Variants in PDSS2 observed in about 807,000 individuals in gnomAD.
PDSS2 encodes decaprenyl diphosphate synthase subunit 2.
In PDSS2, 31 loss-of-function variants were observed where a neutral mutation model predicts 44.5. The ratio of observed to expected loss-of-function variants is 0.70; its 90% CI spans 0.52 to 0.94. The LOEUF (loss-of-function observed/expected upper bound fraction) is 0.94. Among genes scored for constraint, PDSS2 ranks in the 40% least tolerant of loss-of-function variants. The pLI, the probability that PDSS2 is intolerant of heterozygous loss-of-function variation, is 0.00. For synonymous variants in PDSS2, 157 were observed against 180.3 expected (o/e 0.87, Z 1.03); for missense variants, 452 against 482.2 (o/e 0.94, Z 0.59).
chr6:107,387,285 C>A (rs921814875), intron 1 of PDSS2, among the ~76,000 whole-genome samples: 1 of 152,186 alleles, frequency 6.6e-6, no homozygotes, highest in Non-Finnish European at 1.5e-5. Context: ...CTCTGACCTG[C>A]CAGTAGAATC....
intron 1 of PDSS2, among the ~76,000 whole-genome samples, chr6:107,405,966 TG>T (rs1426288129): frequency 6.6e-6 from 1 of 152,016 alleles, no homozygotes; most frequent in Non-Finnish European, 1.5e-5. Flanking sequence ...ACTTTACAGG[TG>T]ATGGTTATAC....
At chr6:107,338,427 A>G (rs17068157) in intron 1 of PDSS2, among the ~76,000 whole-genome samples, 8,216 of 152,274 alleles carry the variant, frequency 0.054, 442 homozygotes, top group African/African-American at 0.14. Flanking sequence ...CTGAATGCTC[A>G]CTGCATGCCA....
intron 1 of PDSS2, among the ~76,000 whole-genome samples, chr6:107,378,268 A>C (rs1270518942): frequency 6.6e-6 from 1 of 150,506 alleles, no homozygotes; most frequent in Non-Finnish European, 1.5e-5. Context: ...ATCTTTCAGC[A>C]GGTATAATAA....
rs1177201798 is a variant in PDSS2, at chr6:107,384,666, AC to A, written c.297-50335del. On this transcript the variant is annotated intron_variant, in intron 1 of 7. Transcript: ENST00000369037. ...CAAAACCAAAAAAAAACACAAAAAA[AC>A]AAAAAAAACCCACTAAACTGTATAC... 3.3e-5 allele frequency among the ~76,000 whole-genome samples: 5 copies of A among 151,546 alleles called. No individual in the cohort carries two copies. In the East Asian group the frequency reaches 9.7e-4, roughly 29 times the overall value.
At chr6:107,390,184 A>G (rs145179706) in intron 1 of PDSS2, among the ~76,000 whole-genome samples, 4 of 152,230 alleles carry the variant, frequency 2.6e-5, no homozygotes, top group African/African-American at 9.6e-5. Context: ...AGATTTAGTG[A>G]CTCACTTCCA....
chr6:107,422,759 A>C (rs900198924), intron 1 of PDSS2, among the ~76,000 whole-genome samples: 2 of 152,078 alleles, frequency 1.3e-5, no homozygotes, highest in Admixed American at 6.5e-5. Flanking sequence ...AAATATTAAC[A>C]CTAGGTATCT....
intron 3 of PDSS2, among the ~76,000 whole-genome samples, chr6:107,246,123 C>T (rs1253929603): frequency 6.6e-6 from 1 of 151,980 alleles, no homozygotes; most frequent in African/African-American, 2.4e-5. Flanking sequence ...CTGTGGGGTC[C>T]CTGGGTCAAA....
At chr6:107,363,580 A>T (rs1458610619) in intron 1 of PDSS2, among the ~76,000 whole-genome samples, 3 of 152,232 alleles carry the variant, frequency 2.0e-5, no homozygotes. Context: ...TCATAAAAGC[A>T]GCGTGGACCC....
intron 7 of PDSS2, among the ~76,000 whole-genome samples, chr6:107,177,542 A>G (rs1771837642): frequency 1.3e-5 from 2 of 152,224 alleles, no homozygotes; most frequent in Non-Finnish European, 2.9e-5. Context: ...CAGGAAAAGC[A>G]ATCACTGCCT....
intron 4 of PDSS2, among the ~76,000 whole-genome samples, chr6:107,239,915 T>C (rs1422603503): frequency 6.6e-6 from 1 of 152,142 alleles, no homozygotes; most frequent in Non-Finnish European, 1.5e-5. Context: ...GTGTTGGGAT[T>C]ACAGGCGTGA....
At chr6:107,227,237 C>T (rs1773859331) in intron 4 of PDSS2, among the ~76,000 whole-genome samples, 1 of 146,252 alleles carries the variant, frequency 6.8e-6, no homozygotes, top group Non-Finnish European at 1.5e-5. Flanking sequence ...CCGGCCCTGG[C>T]CTCCCAAAGT....
Position 107,448,127 on chromosome 6 carries a change from A to T in PDSS2, c.296+10863T>A, listed in dbSNP as rs118121207. The stretch of plus-strand genomic sequence containing the variant: ...TGGCCCAGGAAACCATTTTTCTCTC[A>T]TAGGCCTCTAGGTCTATGATGGGAG... On this transcript the variant is annotated intron_variant, in intron 1 of 7. Transcript: ENST00000369037. Among the ~76,000 whole-genome samples, 1,200 of 152,238 alleles carry T rather than the reference A, an allele frequency of 7.9e-3. 50 individuals are homozygous for T. In the East Asian group the frequency reaches 0.12, roughly 15 times the overall value.
chr6:107,189,738 G>T (rs1347234297), intron 7 of PDSS2, among the ~76,000 whole-genome samples: 2 of 152,120 alleles, frequency 1.3e-5, no homozygotes, highest in Non-Finnish European at 2.9e-5. Flanking sequence ...TGGTCCAGGG[G>T]TGCTCTTATT....
chr6:107,169,193 T>C (rs1455944249), intron 7 of PDSS2, among the ~76,000 whole-genome samples: 1 of 152,154 alleles, frequency 6.6e-6, no homozygotes, highest in East Asian at 1.9e-4. Flanking sequence ...CTCTTTTTTC[T>C]CTAAACTTCT....
Position 107,274,029 on chromosome 6 carries a change from C to A in PDSS2, c.630G>T (p.Lys210Asn). The A allele has an allele frequency of 6.2e-7, 1 of 1,613,516 alleles. No individual in the cohort carries two copies. The highest frequency in any genetic ancestry group is 1.1e-5 in the South Asian group (1 of 91,072). ...CNGLALLQNT[K>N]VVELLASALM... ...ACAACAAAACCCTGCCCAATTTTAC[C>A]TTGGTGTTCTGTAGCAGAGCTAGTC... Residue 210 changes from lysine to asparagine, a missense_variant and splice_region_variant, in exon 3 of 8, where the codon AAG becomes AAT. Transcript: ENST00000369037.
intron 1 of PDSS2, among the ~76,000 whole-genome samples, chr6:107,421,230 C>T (rs1361019182): frequency 6.6e-6 from 1 of 152,148 alleles, no homozygotes; most frequent in South Asian, 2.1e-4. Flanking sequence ...ATTTCTCATA[C>T]CTTGCCAGTG....
chr6:107,401,102 A>T (rs1404787898), intron 1 of PDSS2, among the ~76,000 whole-genome samples: 2 of 152,166 alleles, frequency 1.3e-5, no homozygotes, highest in Non-Finnish European at 2.9e-5. Context: ...TGTAAGTATC[A>T]ATTACTGGCC....
rs151207441 is a variant in PDSS2 at position 107,360,564 on chromosome 6, G to T, written c.297-26232C>A. 6.3e-4 allele frequency among the ~76,000 whole-genome samples: 49 copies of T among 77,472 alleles called. No individual in the cohort carries two copies. The East Asian group carries it at 0.019, about 30-fold the overall frequency. The allele number at this position is 77,472 out of a possible 152,430, so 50.8% of individuals were successfully genotyped here. On this transcript the variant is annotated intron_variant, in intron 1 of 7. Transcript: ENST00000369037. ...CTGCTTCTAGAAGCCTACAAGCTCT[G>T]CATTAAAAACCAACAAAAAACATCT...
chr6:107,244,385 C>T (rs570039149), intron 4 of PDSS2, among the ~76,000 whole-genome samples: 1 of 152,280 alleles, frequency 6.6e-6, no homozygotes, highest in African/African-American at 2.4e-5. Flanking sequence ...ATCTATACAA[C>T]GTAACTTTTT....
Sources: allele counts gnomAD v4.1 joint callset (sites outside exome capture counted in the v4.1 genomes callset), GRCh38; gene constraint gnomAD v4.1.1; transcripts MANE v1.5; gene names NCBI Gene and HGNC (gene_info 2026-07-23, HGNC 2026-07-21).